Variants in CNOT4 observed in about 807,000 individuals in gnomAD.
The protein encoded by CNOT4 is CCR4-NOT transcription complex subunit 4.
In CNOT4, 8 loss-of-function variants were observed where a neutral mutation model predicts 73.8. That is an observed-to-expected ratio of 0.11 (90% CI 0.06 to 0.20). CNOT4 has a LOEUF of 0.20. CNOT4 is among the 10% of genes least tolerant of loss of function. The pLI is 1.00. For missense variants in CNOT4, 564 were observed against 883.4 expected (o/e 0.64, Z 4.58); for synonymous variants, 293 against 321.1 (o/e 0.91, Z 0.94).
At chr7:135,494,065 CAAAAAA>C (rs34917518) in intron 1 of CNOT4, among the ~76,000 whole-genome samples, 1 of 119,598 alleles carries the variant, frequency 8.4e-6, no homozygotes. Context: ...AAACCTGTAC[CAAAAAA>C]AAAAAAAAAA....
chr7:135,381,121 A>G (rs904223802), intron 10 of CNOT4, among the ~76,000 whole-genome samples: 2 of 152,262 alleles, frequency 1.3e-5, no homozygotes, highest in Non-Finnish European at 2.9e-5. Context: ...GACAATAAAG[A>G]TACAGCATTT....
chr7:135,498,625 T>C lies in CNOT4; in HGVS notation c.-93+11264A>G, dbSNP rs13233764. Among the ~76,000 whole-genome samples, 852 of 152,352 alleles carry C rather than the reference T, an allele frequency of 5.6e-3. 6 individuals are homozygous for C. Among genetic ancestry groups the C allele is most frequent in the Non-Finnish European group, 9.0e-3 (610 of 68,026 alleles). ...GTGCAATGGCATGGTCTTGGCTCAC[T>C]GCAACCTCCGCCTCCTAGGTTCAAG... On this transcript the variant is annotated intron_variant, in intron 1 of 11. Transcript: ENST00000541284.
intron 1 of CNOT4, among the ~76,000 whole-genome samples, chr7:135,448,009 C>T (rs1799932887): frequency 6.6e-6 from 1 of 152,188 alleles, no homozygotes; most frequent in Non-Finnish European, 1.5e-5. Flanking sequence ...CAGCCCAACA[C>T]TGCCAGGTGC....
intron 1 of CNOT4, among the ~76,000 whole-genome samples, chr7:135,442,717 T>C (rs1387885967): frequency 6.6e-6 from 1 of 152,206 alleles, no homozygotes; most frequent in Non-Finnish European, 1.5e-5. Flanking sequence ...AATGATTTCC[T>C]GAGTGGGGTG....
intron 10 of CNOT4, among the ~76,000 whole-genome samples, chr7:135,389,169 A>G (rs1194895769): frequency 6.6e-6 from 1 of 150,472 alleles, no homozygotes; most frequent in East Asian, 1.9e-4. Context: ...AAAAAAAAAA[A>G]AAAAAAAAAG....
intron 1 of CNOT4, among the ~76,000 whole-genome samples, chr7:135,478,893 C>T (rs1563073821): frequency 6.6e-6 from 1 of 151,994 alleles, no homozygotes; most frequent in Non-Finnish European, 1.5e-5. Context: ...ATACATAAAA[C>T]AACTTTTAAA....
intron 10 of CNOT4, among the ~76,000 whole-genome samples, chr7:135,373,815 C>G (rs959875067): frequency 6.6e-6 from 1 of 152,048 alleles, no homozygotes; most frequent in Non-Finnish European, 1.5e-5. Flanking sequence ...CTCCTGACCT[C>G]GGATGATCTG....
chr7:135,388,246 T>C, intron 10 of CNOT4: 1 of 985,118 alleles, frequency 1.0e-6, no homozygotes, highest in Non-Finnish European at 1.2e-6. Context: ...ACACATGTAA[T>C]GCATATTATA....
chr7:135,406,544 T>C (rs56760410), intron 7 of CNOT4, among the ~76,000 whole-genome samples: 5,344 of 152,104 alleles, frequency 0.035, 320 homozygotes, highest in African/African-American at 0.12. Flanking sequence ...ACCTGTAGTT[T>C]CAGCTATTCA....
At chr7:135,448,284 C>A (rs962724044) in intron 1 of CNOT4, among the ~76,000 whole-genome samples, 2 of 152,280 alleles carry the variant, frequency 1.3e-5, no homozygotes, top group Middle Eastern at 3.4e-3. Flanking sequence ...GTGGCTCACG[C>A]CTGTAATCCC....
chr7:135,496,118 G>A (rs1047813385), intron 1 of CNOT4, among the ~76,000 whole-genome samples: 6 of 151,898 alleles, frequency 4.0e-5, no homozygotes, highest in African/African-American at 1.5e-4. Context: ...TGAGACAAGA[G>A]GTCTCACTCC....
rs191984688 is a variant in CNOT4 at position 135,422,106 on chromosome 7, G to A, written c.372+50C>T. On this transcript the variant is annotated intron_variant, in intron 3 of 11. Transcript: ENST00000541284. Reference sequence around the variant, plus strand: ...AGGGTCAAATATTATTTCCAAGTAAGACAAGGAAACAAAAAATATCAAGAT... The same window carrying A: ...AGGGTCAAATATTATTTCCAAGTAAAACAAGGAAACAAAAAATATCAAGAT... The A allele has an allele frequency of 2.9e-4, 314 of 1,089,102 alleles. No homozygotes were observed. In the African/African-American group the frequency reaches 3.9e-3, roughly 13 times the overall value. 67.5% of individuals were successfully genotyped at this position (1,089,102 alleles called of 1,614,324 possible).
intron 10 of CNOT4, among the ~76,000 whole-genome samples, chr7:135,370,956 A>C (rs192841924): frequency 7.4e-4 from 112 of 152,358 alleles, no homozygotes; most frequent in Admixed American, 3.6e-3. Flanking sequence ...AACTGTTTAA[A>C]GAAGGAATGT....
chr7:135,469,108 G>A (rs185472415), intron 1 of CNOT4, among the ~76,000 whole-genome samples: 23 of 152,264 alleles, frequency 1.5e-4, no homozygotes, highest in African/African-American at 5.3e-4. Flanking sequence ...ATGATAAACG[G>A]AAGAGCAGGA....
At chr7:135,468,110 G>C (rs968634771) in intron 1 of CNOT4, among the ~76,000 whole-genome samples, 41 of 152,034 alleles carry the variant, frequency 2.7e-4, no homozygotes, top group Non-Finnish European at 5.1e-4. Context: ...CAGCTACTTG[G>C]GGGGCTGAGG....
chr7:135,444,401 TA>T, intron 1 of CNOT4: 1 of 716,878 alleles, frequency 1.4e-6, no homozygotes. Context: ...CAAAATGTGG[TA>T]TATCCATACC....
chr7:135,379,572 G>GTA (rs948150178), intron 10 of CNOT4, among the ~76,000 whole-genome samples: 26 of 151,972 alleles, frequency 1.7e-4, no homozygotes, highest in Non-Finnish European at 2.2e-4. Context: ...GCCTATATGT[G>GTA]TATATATATA....
chr7:135,470,811 T>C (rs1218217465), intron 1 of CNOT4, among the ~76,000 whole-genome samples: 2 of 152,074 alleles, frequency 1.3e-5, no homozygotes, highest in Non-Finnish European at 2.9e-5. Context: ...AGAACAAAGG[T>C]TGAATCTGGG....
At chr7:135,453,728 T>TTA (rs959887575) in intron 1 of CNOT4, among the ~76,000 whole-genome samples, 25 of 146,264 alleles carry the variant, frequency 1.7e-4, no homozygotes, top group South Asian at 4.2e-4. Flanking sequence ...TGGAATTGTT[T>TTA]TATATATATA....
Sources: gnomAD v4.1 joint callset for allele counts (sites outside exome capture counted in the v4.1 genomes callset) on GRCh38, gnomAD v4.1.1 for gene constraint, MANE v1.5 for transcripts, NCBI Gene and HGNC (gene_info 2026-07-23, HGNC 2026-07-21) for gene names.